Variants in SNX25 observed in about 807,000 individuals in gnomAD.
SNX25 encodes sorting nexin 25, also known as sorting nexin-25.
In SNX25, 62 loss-of-function variants were observed where a neutral mutation model predicts 113.7. The observed-to-expected ratio is 0.55, with a 90% CI of 0.44 to 0.67. The LOEUF is 0.67. SNX25 is among the 30% of genes least tolerant of loss of function. The pLI is 0.00. For synonymous variants in SNX25, 421 were observed against 436.2 expected, an observed-to-expected ratio of 0.97 and a Z score of 0.43; for missense variants, 1,014 against 1,161.0, an observed-to-expected ratio of 0.87 and a Z score of 1.84.
At chr4:185,217,084 T>G (rs570309355) in intron 1 of SNX25, among the ~76,000 whole-genome samples, 3 of 152,206 alleles carry the variant, frequency 2.0e-5, no homozygotes, top group Non-Finnish European at 4.4e-5. Context: ...AGTGATAGCA[T>G]CAGAGCTGGG....
intron 6 of SNX25, among the ~76,000 whole-genome samples, chr4:185,309,921 G>A (rs1049563785): frequency 6.6e-6 from 1 of 152,230 alleles, no homozygotes; most frequent in Non-Finnish European, 1.5e-5. Flanking sequence ...CATGGCTTCT[G>A]CCAGCATCAG....
chr4:185,274,400 A>G (rs1179507025), intron 5 of SNX25, among the ~76,000 whole-genome samples: 2 of 152,176 alleles, frequency 1.3e-5, no homozygotes, highest in African/African-American at 4.8e-5. Context: ...AAACTACTGC[A>G]TGGTATTTCT....
chr4:185,247,486 T>G, intron 2 of SNX25, 108 bp downstream of exon 2: 1 of 840,824 alleles, frequency 1.2e-6, no homozygotes. Context: ...GCATGTAGTG[T>G]TAGGAATTTT....
intron 2 of SNX25, among the ~76,000 whole-genome samples, chr4:185,247,997 A>G (rs1227573149): frequency 6.6e-6 from 1 of 152,226 alleles, no homozygotes; most frequent in African/African-American, 2.4e-5. Flanking sequence ...ATTTTCAGAA[A>G]ACAAGTCATG....
intron 9 of SNX25, among the ~76,000 whole-genome samples, chr4:185,326,561 CTACTGATAACATACAT>C (rs1468424505): frequency 6.6e-6 from 1 of 152,166 alleles, no homozygotes; most frequent in Non-Finnish European, 1.5e-5. Context: ...ATTATAATTA[CTACTGATAACATACAT>C]TAAGATATAT....
rs59085661 is a variant in SNX25, at chr4:185,212,491, G to GTTTTTGTTTTTTTTT, written c.429+2241_429+2242insGTTTTTTTTTTTTTT. On this transcript the variant is annotated intron_variant, in intron 1 of 18. Transcript: ENST00000652585. ...TGTGTGTGTGTGTGTGTGTGTGTGT[G>GTTTTTGTTTTTTTTT]TTTTTTTTTTTTTTTGCTTTGAGAC... Among the ~76,000 whole-genome samples, 12 of 104,942 alleles carry GTTTTTGTTTTTTTTT rather than the reference G, an allele frequency of 1.1e-4. 1 individual carries two copies. The highest frequency in any genetic ancestry group is 2.6e-4 in the African/African-American group (7 of 26,988). 68.8% of individuals were successfully genotyped at this position (104,942 alleles called of 152,430 possible). A position where few individuals can be genotyped will look rare whatever the true frequency, so the allele number is the denominator to read the frequency against.
At chr4:185,273,112 C>A (rs1023495980) in intron 5 of SNX25, among the ~76,000 whole-genome samples, 2 of 152,172 alleles carry the variant, frequency 1.3e-5, no homozygotes, top group Non-Finnish European at 2.9e-5. Context: ...GGCTTAAACC[C>A]ATGAATAGAT....
At chr4:185,227,683 G>A (rs1198907671) in intron 1 of SNX25, among the ~76,000 whole-genome samples, 1 of 152,134 alleles carries the variant, frequency 6.6e-6, no homozygotes, top group Non-Finnish European at 1.5e-5. Context: ...CTTTGTGCAG[G>A]TTTGGGACGG....
In SNX25 at chr4:185,268,327, C is replaced by T. The variant is rs148814605; in HGVS notation, c.1091+1172C>T. Among the ~76,000 whole-genome samples, 194 of 152,236 alleles carry T rather than the reference C, an allele frequency of 1.3e-3. 1 individual carries two copies. Among genetic ancestry groups the T allele is most frequent in the Non-Finnish European group, 2.2e-4 (15 of 68,018 alleles). ...CTAGATTAATTATTTTGAGAAAACA[C>T]ATTTGAAAATACCATAGGAGTATCT... On this transcript the variant is annotated intron_variant, in intron 5 of 18. Transcript: ENST00000652585.
At chr4:185,284,953 A>G (rs1046818984) in intron 5 of SNX25, among the ~76,000 whole-genome samples, 1 of 152,222 alleles carries the variant, frequency 6.6e-6, no homozygotes, top group Non-Finnish European at 1.5e-5. Flanking sequence ...GAGAAGGATG[A>G]TGGTACTAGT....
rs547527726 is a variant in SNX25, at chr4:185,278,983, A to G, written c.1092-9029A>G. 2.6e-5 allele frequency among the ~76,000 whole-genome samples: 4 copies of G among 152,266 alleles called. No homozygotes were observed. The South Asian group carries it at 8.3e-4, about 32-fold the overall frequency. The stretch of plus-strand genomic sequence containing the variant: ...ACATAGATTTGATTGTTTCTGTAAC[A>G]TGTAATTTCTGTAGGCTCTGGGAAC... On this transcript the variant is annotated intron_variant, in intron 5 of 18. Transcript: ENST00000652585.
rs1424596737 is a variant in SNX25 at position 185,209,822 on chromosome 4, G to A, written c.-5G>A. ...GTGCCTGTCCTTAGCGGCCCAGGAA[G>A]CAGCATGCACCCCGATGCGACCGAC... On this transcript the variant is annotated 5_prime_UTR_variant, in exon 1 of 19. Coordinates refer to ENST00000652585, the MANE Select transcript of SNX25 (RefSeq NM_001378034.2). The surrounding 1 kb of genome is among the most constrained non-coding windows in gnomAD (Gnocchi z 5.2). 1 of 983,628 alleles carries A rather than the reference G, an allele frequency of 1.0e-6. No homozygotes were observed. The highest frequency in any genetic ancestry group is 1.2e-6 in the Non-Finnish European group (1 of 829,316). 60.9% of individuals were successfully genotyped at this position (983,628 alleles called of 1,614,324 possible).
chr4:185,286,818 T>C, intron 5 of SNX25, among the ~76,000 whole-genome samples: 1 of 152,220 alleles, frequency 6.6e-6, no homozygotes, highest in Non-Finnish European at 1.5e-5. Flanking sequence ...GCCACTGATG[T>C]TTATATTATC....
intron 7 of SNX25, among the ~76,000 whole-genome samples, chr4:185,319,620 C>T (rs2095104489): frequency 6.6e-6 from 1 of 151,248 alleles, no homozygotes; most frequent in South Asian, 2.1e-4. Flanking sequence ...TTGTTTATTT[C>T]TTCCAGGCAT....
chr4:185,362,133 G>A, intron 17 of SNX25, 28 bp downstream of exon 17: 2 of 1,581,460 alleles, frequency 1.3e-6, no homozygotes, highest in South Asian at 1.1e-5. Context: ...AGCCTGAAAA[G>A]CATAGAGATC....
At position 185,339,502 on chromosome 4, in the gene SNX25, A is replaced by G. The variant is rs1227615986; in HGVS notation, c.2038A>G (p.Ser680Gly). Residue 680 changes from serine to glycine, a missense_variant, in exon 11 of 19, where the codon AGT becomes GGT. Transcript: ENST00000652585. ...NLGMWKASIT[S>G]GEVTEENGEQ... Reference sequence around the variant, plus strand: ...TGGCATGTGGAAAGCCTCCATCACCAGTGGAGAGGTAGTTTTGACTGCTTT... The same window carrying G: ...TGGCATGTGGAAAGCCTCCATCACCGGTGGAGAGGTAGTTTTGACTGCTTT... 3.1e-6 allele frequency: 5 copies of G among 1,611,404 alleles called. No individual in the cohort carries two copies. The highest frequency in any genetic ancestry group is 4.2e-6 in the Non-Finnish European group (5 of 1,179,008).
Position 185,288,093 on chromosome 4 carries a change from GGTT to G in SNX25, c.1162+15_1162+17del. 6.2e-7 allele frequency: 1 copy of G among 1,610,876 alleles called. No individual in the cohort carries two copies. Among genetic ancestry groups the G allele is most frequent in the Non-Finnish European group, 8.5e-7 (1 of 1,178,388 alleles). On this transcript the variant is annotated intron_variant, in intron 6 of 18. Transcript: ENST00000652585. Reference sequence around the variant, plus strand: ...TGAAGAGGCACAAAGGTAAGAGCCAGGTTGTTTTCTTCAGTTCCACATCTGAAA... The same window carrying G: ...TGAAGAGGCACAAAGGTAAGAGCCAGGTTTTCTTCAGTTCCACATCTGAAA...
chr4:185,245,508 T>C (rs1356349227), intron 1 of SNX25, among the ~76,000 whole-genome samples: 1 of 152,054 alleles, frequency 6.6e-6, no homozygotes, highest in Non-Finnish European at 1.5e-5. Flanking sequence ...CAGCTAATTT[T>C]TGTATTTTTA....
rs143177631 is a variant in SNX25 at position 185,248,294 on chromosome 4, A to C, written c.514+916A>C. Reference sequence around the variant, plus strand: ...TTTGGCAATTATTCATAATCTTTAAAGTATGACTTATAAAACTTACTGGAT... The same window carrying C: ...TTTGGCAATTATTCATAATCTTTAACGTATGACTTATAAAACTTACTGGAT... On this transcript the variant is annotated intron_variant, in intron 2 of 18. Transcript: ENST00000652585. Among the ~76,000 whole-genome samples the C allele has an allele frequency of 3.1e-3, 466 of 152,334 alleles. 4 individuals are homozygous for C. Among genetic ancestry groups the C allele is most frequent in the African/African-American group, 0.01 (432 of 41,566 alleles).
Sources: gnomAD v4.1 joint callset for allele counts (sites outside exome capture counted in the v4.1 genomes callset) on GRCh38, gnomAD v4.1.1 for gene constraint, Gnocchi (gnomAD v3.1) non-coding constraint, MANE v1.5 for transcripts, NCBI Gene and HGNC (gene_info 2026-07-23, HGNC 2026-07-21) for gene names.